KPNA4: variants seen among roughly 807,000 people sequenced by gnomAD.
KPNA4 encodes karyopherin subunit alpha 4.
A neutral mutation model predicts 71.3 loss-of-function variants in KPNA4; 13 were observed. That is an observed-to-expected ratio of 0.18 (90% CI 0.12 to 0.29). KPNA4 has a LOEUF of 0.29. KPNA4 is among the 10% of genes least tolerant of loss of function. The pLI is 1.00. For synonymous variants in KPNA4, 189 were observed against 195.2 expected, an observed-to-expected ratio of 0.97 and a Z score of 0.26; for missense variants, 334 against 603.2, an observed-to-expected ratio of 0.55 and a Z score of 4.67.
chr3:160,534,848 C>G (rs1370506949), intron 5 of KPNA4, among the ~76,000 whole-genome samples: 1 of 151,488 alleles, frequency 6.6e-6, no homozygotes. Context: ...CTCAGCCTCC[C>G]AAGTAGCTGG....
chr3:160,508,987 C>T (rs528771619), intron 14 of KPNA4, among the ~76,000 whole-genome samples: 124 of 152,192 alleles, frequency 8.1e-4, no homozygotes, highest in African/African-American at 2.9e-3. Flanking sequence ...TATTCCTGTT[C>T]TGCTCTGTAT....
At chr3:160,555,210 T>C (rs1267159538) in intron 1 of KPNA4, among the ~76,000 whole-genome samples, 1 of 152,232 alleles carries the variant, frequency 6.6e-6, no homozygotes, top group African/African-American at 2.4e-5. Flanking sequence ...TCAGAAGTAT[T>C]GTGTTGAGTG....
chr3:160,545,683 A>G (rs1402901881), intron 1 of KPNA4, among the ~76,000 whole-genome samples: 2 of 152,192 alleles, frequency 1.3e-5, no homozygotes, highest in African/African-American at 4.8e-5. Flanking sequence ...GAGGAGAGAC[A>G]TGTTCTGATT....
chr3:160,530,543 C>T (rs1248767262), intron 7 of KPNA4, among the ~76,000 whole-genome samples: 1 of 152,010 alleles, frequency 6.6e-6, no homozygotes, highest in Non-Finnish European at 1.5e-5. Context: ...GGCAATGTGG[C>T]AACAGGAAAA....
intron 1 of KPNA4, among the ~76,000 whole-genome samples, chr3:160,549,513 C>T (rs1560055144): frequency 1.3e-5 from 2 of 152,248 alleles, no homozygotes; most frequent in South Asian, 2.1e-4. Context: ...TTCCCAGCAC[C>T]GTTTGTTAAA....
chr3:160,527,184 C>T (rs1721476697), intron 8 of KPNA4, among the ~76,000 whole-genome samples: 1 of 152,188 alleles, frequency 6.6e-6, no homozygotes, highest in African/African-American at 2.4e-5. Flanking sequence ...AGTACCTCAG[C>T]CCCCACTCAT....
chr3:160,534,091 C>CA (rs1279167440), intron 5 of KPNA4, among the ~76,000 whole-genome samples: 1 of 152,180 alleles, frequency 6.6e-6, no homozygotes, highest in African/African-American at 2.4e-5. Context: ...ACTTCCCTAT[C>CA]AGTTCTAAGT....
intron 10 of KPNA4, among the ~76,000 whole-genome samples, chr3:160,524,785 C>T (rs1721428566): frequency 6.6e-6 from 1 of 152,132 alleles, no homozygotes; most frequent in African/African-American, 2.4e-5. Context: ...AAAAACTCTA[C>T]CACAGAGATC....
chr3:160,528,467 G>T (rs1340135440), intron 7 of KPNA4, among the ~76,000 whole-genome samples: 2 of 152,150 alleles, frequency 1.3e-5, no homozygotes, highest in Non-Finnish European at 2.9e-5. Context: ...CCAAGCTTCA[G>T]TGATTCTCCT....
intron 12 of KPNA4, among the ~76,000 whole-genome samples, chr3:160,514,503 A>G (rs1721162638): frequency 6.6e-6 from 1 of 152,246 alleles, no homozygotes; most frequent in Non-Finnish European, 1.5e-5. Flanking sequence ...GCAAATATGA[A>G]TAATGAGTAT....
intron 1 of KPNA4, among the ~76,000 whole-genome samples, chr3:160,563,586 G>A (rs1722285555): frequency 6.6e-6 from 1 of 152,126 alleles, no homozygotes; most frequent in Non-Finnish European, 1.5e-5. Flanking sequence ...GGGTTATAGG[G>A]ATCTGTCAAG....
chr3:160,550,356 C>T (rs918986014), intron 1 of KPNA4, among the ~76,000 whole-genome samples: 2 of 152,208 alleles, frequency 1.3e-5, no homozygotes, highest in Non-Finnish European at 2.9e-5. Context: ...ATCCTGGGCT[C>T]AAGCAATCTT....
At chr3:160,550,774 C>T (rs1159831172) in intron 1 of KPNA4, among the ~76,000 whole-genome samples, 1 of 152,136 alleles carries the variant, frequency 6.6e-6, no homozygotes, top group East Asian at 1.9e-4. Flanking sequence ...ATGACTGTGT[C>T]ATTTTTGTCC....
intron 1 of KPNA4, among the ~76,000 whole-genome samples, chr3:160,558,705 G>C (rs760543249): frequency 3.3e-5 from 5 of 152,146 alleles, no homozygotes; most frequent in Non-Finnish European, 5.9e-5. Context: ...GACCTTTACA[G>C]AGAGTACACA....
At position 160,495,985 on chromosome 3, in the gene KPNA4, G is replaced by C. The variant is rs1720752989; in HGVS notation, c.*6119C>G. 7.1e-6 allele frequency: 1 copy of C among 141,238 alleles called. No homozygotes were observed. Among genetic ancestry groups the C allele is most frequent in the Admixed American group, 7.5e-5 (1 of 13,290 alleles). 8.7% of individuals were successfully genotyped at this position (141,238 alleles called of 1,614,324 possible). ...CCAAGACTTTGGATATTAGATTACT[G>C]TACCTAAAAAGAGTAAAATGGTGGC... is the stretch of plus-strand genomic sequence containing the variant. On this transcript the variant is annotated 3_prime_UTR_variant, in exon 17 of 17. Transcript: ENST00000334256.
chr3:160,537,499 A>C (rs1227093468), intron 1 of KPNA4, among the ~76,000 whole-genome samples: 2 of 151,658 alleles, frequency 1.3e-5, no homozygotes, highest in African/African-American at 2.4e-5. Flanking sequence ...TAAGTTACTT[A>C]CTACAGGCAT....
intron 1 of KPNA4, among the ~76,000 whole-genome samples, chr3:160,549,547 A>C (rs1252638353): frequency 6.6e-6 from 1 of 152,194 alleles, no homozygotes; most frequent in Non-Finnish European, 1.5e-5. Flanking sequence ...TCCAATGTGT[A>C]GTCTTGGTAT....
chr3:160,519,726 C>T lies in KPNA4; in HGVS notation c.903+2053G>A, dbSNP rs1259601541. 6.4e-5 allele frequency among the ~76,000 whole-genome samples: 9 copies of T among 140,992 alleles called. No homozygotes were observed. The East Asian group carries it at 1.7e-3, about 27-fold the overall frequency. The allele number at this position is 140,992 out of a possible 152,430, so 92.5% of individuals were successfully genotyped here. A position where few individuals can be genotyped will look rare whatever the true frequency, so the allele number is the denominator to read the frequency against. ...AGGAGAATGGCGTGAACCCGGGAAG[C>T]GGAGCTTGCAGTGAGCCGAGATTGT... On this transcript the variant is annotated intron_variant, in intron 11 of 16. Coordinates refer to ENST00000334256, the MANE Select transcript of KPNA4 (RefSeq NM_002268.5).
chr3:160,499,363 A>G lies in KPNA4; in HGVS notation c.*2741T>C, dbSNP rs1242854662. On this transcript the variant is annotated 3_prime_UTR_variant, in exon 17 of 17. Coordinates refer to ENST00000334256, the MANE Select transcript of KPNA4 (RefSeq NM_002268.5). ...AGGTGGTCTCAATGTTCAAAAAGAC[A>G]GTTTAAGACATGAAACGTTAAGAAC... 5 of 152,170 alleles carry G rather than the reference A, an allele frequency of 3.3e-5. No homozygotes were observed. Among genetic ancestry groups the G allele is most frequent in the Non-Finnish European group, 7.4e-5 (5 of 68,026 alleles). The allele number at this position is 152,170 out of a possible 1,614,324, so 9.4% of individuals were successfully genotyped here.
Sources: allele counts gnomAD v4.1 joint callset (sites outside exome capture counted in the v4.1 genomes callset), GRCh38; gene constraint gnomAD v4.1.1; transcripts MANE v1.5; gene names NCBI Gene and HGNC (gene_info 2026-07-23, HGNC 2026-07-21).